The following LSAMP variants were observed in gnomAD, a reference collection of about 807,000 sequenced individuals.
LSAMP encodes the protein limbic system-associated membrane protein.
A neutral mutation model predicts 38.6 loss-of-function variants in LSAMP; 7 were observed. The observed-to-expected ratio is 0.18, with a 90% CI of 0.10 to 0.34. The LOEUF is 0.34. LSAMP is among the 10% of genes least tolerant of loss of function. The probability of loss-of-function intolerance (pLI) is 1.00; values close to 1 mark genes in which losing one functional copy is unlikely to be tolerated. For missense variants in LSAMP, 313 were observed against 420.0 expected (o/e 0.75, Z 2.23); for synonymous variants, 154 against 166.8 (o/e 0.92, Z 0.59).
At chr3:115,940,255 G>A (rs1937867333) in intron 3 of LSAMP, among the ~76,000 whole-genome samples, 1 of 152,100 alleles carries the variant, frequency 6.6e-6, no homozygotes, top group African/African-American at 2.4e-5. Flanking sequence ...GACCCTAGTG[G>A]GTTGCCACTG....
intron 1 of LSAMP, among the ~76,000 whole-genome samples, chr3:116,402,834 C>G (rs1297448817): frequency 1.3e-5 from 2 of 151,510 alleles, no homozygotes; most frequent in East Asian, 3.9e-4. Context: ...GCATTCTTTG[C>G]ACTCTGTTAT....
chr3:116,106,630 TA>T (rs1382961867), intron 1 of LSAMP, among the ~76,000 whole-genome samples: 1 of 152,118 alleles, frequency 6.6e-6, no homozygotes, highest in African/African-American at 2.4e-5. Flanking sequence ...CTGATTTGAC[TA>T]ATAAAGGCTG....
At chr3:115,937,247 A>G (rs973433197) in intron 3 of LSAMP, among the ~76,000 whole-genome samples, 1 of 152,196 alleles carries the variant, frequency 6.6e-6, no homozygotes, top group African/African-American at 2.4e-5. Flanking sequence ...ACCTAGTGTC[A>G]GCTTCTAGAA....
At chr3:115,983,635 T>A (rs1939427408) in intron 3 of LSAMP, among the ~76,000 whole-genome samples, 1 of 152,228 alleles carries the variant, frequency 6.6e-6, no homozygotes, top group South Asian at 2.1e-4. Context: ...AGCCAACAAC[T>A]ATTTACAGAA....
chr3:116,040,332 C>T (rs930553267), intron 2 of LSAMP, among the ~76,000 whole-genome samples: 5 of 152,172 alleles, frequency 3.3e-5, no homozygotes, highest in Admixed American at 2.0e-4. Flanking sequence ...AATCTGTCTT[C>T]GCTGAAAGGA....
At chr3:116,030,102 G>A (rs774135573) in intron 2 of LSAMP, among the ~76,000 whole-genome samples, 7 of 152,114 alleles carry the variant, frequency 4.6e-5, no homozygotes, top group African/African-American at 7.2e-5. Context: ...CATGTGTAGC[G>A]TGGATATCTG....
At position 115,810,220 on chromosome 3, in the gene LSAMP, C is replaced by G; in HGVS notation, c.*97G>C. The G allele has an allele frequency of 1.3e-6, 1 of 756,060 alleles. No homozygotes were observed. Among genetic ancestry groups the G allele is most frequent in the Non-Finnish European group, 2.1e-6 (1 of 470,488 alleles). The allele number at this position is 756,060 out of a possible 1,614,324, so 46.8% of individuals were successfully genotyped here. A position where few individuals can be genotyped will look rare whatever the true frequency, so the allele number is the denominator to read the frequency against. The stretch of plus-strand genomic sequence containing the variant: ...AAGTTGTGAAATAAACGGTCTCCCC[C>G]ATCTCTCTCTCTCTCTCTCTCTCTG... On this transcript the variant is annotated 3_prime_UTR_variant, in exon 7 of 7. Transcript: ENST00000490035.
chr3:116,029,360 G>A (rs1940865738), intron 2 of LSAMP, among the ~76,000 whole-genome samples: 1 of 152,082 alleles, frequency 6.6e-6, no homozygotes, highest in East Asian at 1.9e-4. Flanking sequence ...AATTTCATGG[G>A]AAAGTAGAAA....
chr3:115,969,545 G>A (rs1482437062), intron 3 of LSAMP, among the ~76,000 whole-genome samples: 1 of 152,060 alleles, frequency 6.6e-6, no homozygotes, highest in African/African-American at 2.4e-5. Flanking sequence ...CCCTTCTGGC[G>A]AAAAAATTCT....
chr3:116,016,014 A>AT (rs34723861), intron 3 of LSAMP, among the ~76,000 whole-genome samples: 34 of 148,950 alleles, frequency 2.3e-4, no homozygotes, highest in African/African-American at 3.9e-4. Flanking sequence ...AAAGCTAACC[A>AT]TTTTTTTTTT....
intron 1 of LSAMP, among the ~76,000 whole-genome samples, chr3:116,442,857 T>C (rs935766880): frequency 1.3e-5 from 2 of 152,188 alleles, no homozygotes; most frequent in African/African-American, 2.4e-5. Context: ...TATTGCGCCA[T>C]AGACATACAA....
rs1577023385 is a variant in LSAMP, at chr3:115,803,817, C to T, written c.*6500G>A. On this transcript the variant is annotated 3_prime_UTR_variant, in exon 7 of 7. Coordinates refer to ENST00000490035, the MANE Select transcript of LSAMP (RefSeq NM_002338.5). ...TTCAGCCTTTGAACCTGCCTGGGAC[C>T]CCATGCTTACCGCCATCAGCACAAG... 6.6e-6 allele frequency: 1 copy of T among 152,124 alleles called. No individual in the cohort carries two copies. The highest frequency in any genetic ancestry group is 2.4e-5 in the African/African-American group (1 of 41,420). 9.4% of individuals were successfully genotyped at this position (152,124 alleles called of 1,614,324 possible).
intron 2 of LSAMP, among the ~76,000 whole-genome samples, chr3:116,022,041 G>C (rs1345647557): frequency 6.6e-6 from 1 of 152,122 alleles, no homozygotes; most frequent in East Asian, 1.9e-4. Context: ...TACAGAAAGT[G>C]TTTGTGCTGA....
chr3:116,147,513 C>T (rs546659404), intron 1 of LSAMP, among the ~76,000 whole-genome samples: 1 of 151,990 alleles, frequency 6.6e-6, no homozygotes, highest in East Asian at 1.9e-4. Flanking sequence ...TTTTTGGTGA[C>T]TCTATCCTGG....
intron 6 of LSAMP, among the ~76,000 whole-genome samples, chr3:115,811,028 C>T (rs1278551979): frequency 6.6e-6 from 1 of 152,134 alleles, no homozygotes; most frequent in Non-Finnish European, 1.5e-5. Flanking sequence ...AGGATCAACT[C>T]CTCCAAACTC....
chr3:116,113,420 A>ATATAT (rs1553705042), intron 1 of LSAMP, among the ~76,000 whole-genome samples: 59 of 51,038 alleles, frequency 1.2e-3, no homozygotes, highest in African/African-American at 2.5e-3. Context: ...ATATATATAT[A>ATATAT]TTTTTTTTTT....
At chr3:116,198,772 G>GAAAAAAAAAAAAAAAAAAA (rs71141858) in intron 1 of LSAMP, among the ~76,000 whole-genome samples, 2 of 103,196 alleles carry the variant, frequency 1.9e-5, no homozygotes, top group Non-Finnish European at 3.8e-5. Flanking sequence ...CTCCGTCTCA[G>GAAAAAAAAAAAAAAAAAAA]AAAAAAAAAG....
intron 3 of LSAMP, among the ~76,000 whole-genome samples, chr3:115,858,049 C>G (rs1029766098): frequency 6.6e-6 from 1 of 151,880 alleles, no homozygotes; most frequent in East Asian, 1.9e-4. Context: ...TAAAAAGGAG[C>G]CATTTGAAAT....
In LSAMP at chr3:116,236,963, TGC is replaced by T. The variant is rs750674086; in HGVS notation, c.156-150409_156-150408del. Among the ~76,000 whole-genome samples, 6 of 70,540 alleles carry T rather than the reference TGC, an allele frequency of 8.5e-5. No individual in the cohort carries two copies. The South Asian group carries it at 3.7e-3, about 43-fold the overall frequency. The allele number at this position is 70,540 out of a possible 152,430, so 46.3% of individuals were successfully genotyped here. A position where few individuals can be genotyped will look rare whatever the true frequency, so the allele number is the denominator to read the frequency against. On this transcript the variant is annotated intron_variant, in intron 1 of 6. Transcript: ENST00000490035. Reference sequence around the variant, plus strand: ...TTACAACATAAGCCATATATATATATGCATATATATACATATATACACATACA... The same window carrying T: ...TTACAACATAAGCCATATATATATATATATATATACATATATACACATACA...
Sources: allele counts gnomAD v4.1 joint callset (sites outside exome capture counted in the v4.1 genomes callset), GRCh38; gene constraint gnomAD v4.1.1; transcripts MANE v1.5; gene names NCBI Gene and HGNC (gene_info 2026-07-23, HGNC 2026-07-21).